Variants in ZBP1 observed in about 807,000 individuals in gnomAD.
The protein encoded by ZBP1 is Z-DNA binding protein 1.
In ZBP1, 42 loss-of-function variants were observed where a neutral mutation model predicts 41.1. The observed-to-expected ratio is 1.02, with a 90% CI of 0.80 to 1.32. ZBP1 has a LOEUF of 1.32. ZBP1 is among the 40% of genes most tolerant of loss of function. The pLI, the probability that ZBP1 is intolerant of heterozygous loss-of-function variation, is 0.00. For synonymous variants in ZBP1, 214 were observed against 205.2 expected, an observed-to-expected ratio of 1.04 and a Z score of -0.37; for missense variants, 562 against 549.7, an observed-to-expected ratio of 1.02 and a Z score of -0.22.
chr20:57,613,180 G>C lies in ZBP1; in HGVS notation c.653C>G (p.Thr218Arg). The change falls in exon 5 of 8, where the codon ACA (threonine) becomes AGA (arginine). Residue 218 changes from threonine to arginine, a missense_variant. Thr to Arg is a moderately conservative substitution (Grantham distance 71, BLOSUM62 -1). Transcript: ENST00000371173. This position sits in a 1 kb window ranked among gnomAD's most constrained non-coding sequence, Gnocchi z 4.5. Reference sequence around the variant, plus strand: ...TGACTTACCGTCCTCCCTGGAGACTGTCTGTCTTGTAATGATGTTCCCGTG... The same window carrying C: ...TGACTTACCGTCCTCCCTGGAGACTCTCTGTCTTGTAATGATGTTCCCGTG... ...IGHGNIITRQ[T>R]VSREDGSAGP... 1 of 1,614,002 alleles carries C rather than the reference G, an allele frequency of 6.2e-7. No individual in the cohort carries two copies. The highest frequency in any genetic ancestry group is 1.3e-5 in the African/African-American group (1 of 75,044).
intron 1 of ZBP1, among the ~76,000 whole-genome samples, chr20:57,619,184 C>T (rs781282109): frequency 2.0e-5 from 3 of 152,224 alleles, no homozygotes; most frequent in African/African-American, 4.8e-5. Flanking sequence ...ACAGGACCTC[C>T]GCGGTCAGCC....
rs41304401 is a variant in ZBP1, at chr20:57,613,163, C to T, written c.670G>A (p.Gly224Ser). The change falls in exon 5 of 8, where the codon GGT becomes AGT. Residue 224 changes from glycine (G) to serine (S), a missense_variant and splice_region_variant. By Grantham distance (56) the Gly-to-Ser change is moderately conservative (BLOSUM62 0). Coordinates refer to ENST00000371173, the MANE Select transcript of ZBP1 (RefSeq NM_030776.3). This position sits in a 1 kb window ranked among gnomAD's most constrained non-coding sequence, Gnocchi z 4.5. ...ITRQTVSREDGSAGPRHLPSM... is the reference protein window; with the variant it reads ...ITRQTVSREDSSAGPRHLPSM... ...CCCTGGGCTCTCTTGGGTGACTTAC[C>T]GTCCTCCCTGGAGACTGTCTGTCTT... 14,040 of 1,614,172 alleles carry T rather than the reference C, an allele frequency of 8.7e-3. 94 individuals are homozygous for T. Among genetic ancestry groups the T allele is most frequent in the Middle Eastern group, 0.037 (223 of 6,062 alleles).
chr20:57,616,796 G>A (rs1264320541), intron 1 of ZBP1: 4 of 366,980 alleles, frequency 1.1e-5, no homozygotes, highest in African/African-American at 8.3e-5. Flanking sequence ...GGGCAGAGGG[G>A]AGTAGAGGGC....
At chr20:57,607,912 G>A (rs1206867451) in intron 7 of ZBP1, among the ~76,000 whole-genome samples, 1 of 152,184 alleles carries the variant, frequency 6.6e-6, no homozygotes, top group Admixed American at 6.5e-5. Context: ...AATATAACTT[G>A]TATATGCACT....
At chr20:57,619,487 C>T (rs142592226) in intron 1 of ZBP1, among the ~76,000 whole-genome samples, 7 of 152,186 alleles carry the variant, frequency 4.6e-5, no homozygotes, top group Non-Finnish European at 1.0e-4. Context: ...AGCAATTACT[C>T]GATACACTAT....
In ZBP1 at chr20:57,615,510, AC is replaced by A. The variant is rs2070797209; in HGVS notation, c.328+1del. ...GAACTGAAGGGACATGCAAAAACTT[AC>A]CCCGTTGTTGGCTGAACTGAGGGCC... On this transcript the variant is annotated splice_donor_variant, in intron 3 of 7. Transcript: ENST00000371173. LOFTEE classifies it high-confidence loss of function. 1.2e-6 allele frequency: 2 copies of A among 1,612,374 alleles called. No individual in the cohort carries two copies. Among genetic ancestry groups the A allele is most frequent in the Non-Finnish European group, 1.7e-6 (2 of 1,179,498 alleles).
At chr20:57,607,601 G>T (rs759148248) in intron 7 of ZBP1, among the ~76,000 whole-genome samples, 30 of 152,202 alleles carry the variant, frequency 2.0e-4, no homozygotes, top group Non-Finnish European at 3.7e-4. Context: ...CCATCAAACA[G>T]CATTGCATGC....
At chr20:57,611,074 G>A (rs2070654299) in intron 6 of ZBP1, among the ~76,000 whole-genome samples, 1 of 152,144 alleles carries the variant, frequency 6.6e-6, no homozygotes, top group African/African-American at 2.4e-5. Context: ...TGCAGCCACA[G>A]CTCCTAGTAC....
At position 57,610,024 on chromosome 20, in the gene ZBP1, G is replaced by A. The variant is rs1035164351; in HGVS notation, c.1093+125C>T. ...GAGCTGCTGCTCCTCGCTGTGGGTG[G>A]GCACAGCCTCCAGACTCCGGGAAAC... On this transcript the variant is annotated intron_variant, in intron 7 of 7. Transcript: ENST00000371173. This position sits in a 1 kb window ranked among gnomAD's most constrained non-coding sequence, Gnocchi z 5.5. The A allele has an allele frequency of 3.3e-5, 36 of 1,099,590 alleles. No individual in the cohort carries two copies. The highest frequency in any genetic ancestry group is 9.4e-5 in the African/African-American group (6 of 63,690). 68.1% of individuals were successfully genotyped at this position (1,099,590 alleles called of 1,614,324 possible). A position where few individuals can be genotyped will look rare whatever the true frequency, so the allele number is the denominator to read the frequency against.
intron 1 of ZBP1, 126 bp downstream of exon 1, chr20:57,620,136 G>T: frequency 8.4e-7 from 1 of 1,183,520 alleles, no homozygotes; most frequent in Non-Finnish European, 1.2e-6. Context: ...ACGCCCAGCT[G>T]GTCTACTATT....
Position 57,604,340 on chromosome 20 carries a change from G to A in ZBP1, c.*233C>T. On this transcript the variant is annotated 3_prime_UTR_variant, in exon 8 of 8. Transcript: ENST00000371173. ...CACTCCCATCTACCCACCTCCTCTT[G>A]GCACACCAAAGGTTCCCCAAGGCAA... 3.0e-6 allele frequency: 2 copies of A among 661,640 alleles called. No individual in the cohort carries two copies. Among genetic ancestry groups the A allele is most frequent in the East Asian group, 3.0e-5 (1 of 33,028 alleles). 41.0% of individuals were successfully genotyped at this position (661,640 alleles called of 1,614,324 possible). A position where few individuals can be genotyped will look rare whatever the true frequency, so the allele number is the denominator to read the frequency against.
chr20:57,607,274 G>T (rs1199002285), intron 7 of ZBP1: 1 of 1,301,116 alleles, frequency 7.7e-7, no homozygotes, highest in African/African-American at 1.5e-5. Context: ...GACTTTGAGG[G>T]GTTCAAGACT....
rs1443381517 is a variant in ZBP1 at position 57,607,311 on chromosome 20, G to A, written c.1094-2542C>T. On this transcript the variant is annotated intron_variant, in intron 7 of 7. Coordinates refer to ENST00000371173, the MANE Select transcript of ZBP1 (RefSeq NM_030776.3). ...CAGTGAAGGCAGCAACTGCAAATGT[G>A]GTGGAAATAGCAGGAAAACACAAAT... is the stretch of plus-strand genomic sequence containing the variant. The A allele has an allele frequency of 2.3e-6, 3 of 1,288,788 alleles. No homozygotes were observed. In the African/African-American group the frequency reaches 4.6e-5, roughly 20 times the overall value. The allele number at this position is 1,288,788 out of a possible 1,614,324, so 79.8% of individuals were successfully genotyped here. A position where few individuals can be genotyped will look rare whatever the true frequency, so the allele number is the denominator to read the frequency against.
intron 1 of ZBP1, chr20:57,616,900 C>T (rs1489137084): frequency 9.3e-6 from 2 of 215,082 alleles, no homozygotes; most frequent in Non-Finnish European, 1.9e-5. Context: ...ATGCCCATCG[C>T]CATCCTCCCC....
intron 7 of ZBP1, among the ~76,000 whole-genome samples, chr20:57,607,897 G>A (rs562734208): frequency 2.0e-5 from 3 of 152,286 alleles, no homozygotes; most frequent in Admixed American, 6.5e-5. Context: ...CTAGAGCATC[G>A]TGTGAATATA....
intron 2 of ZBP1, 84 bp from the exon 3 acceptor site, chr20:57,615,664 G>A (rs2070804072): frequency 4.8e-6 from 6 of 1,242,464 alleles, no homozygotes; most frequent in Non-Finnish European, 5.7e-6. Context: ...CAGCTCCCTA[G>A]GGGTAAGTGG....
chr20:57,611,631 T>C (rs2070674326), intron 6 of ZBP1, 96 bp downstream of exon 6: 1 of 1,329,078 alleles, frequency 7.5e-7, no homozygotes, highest in Non-Finnish European at 1.0e-6. Flanking sequence ...GAATTTCCCA[T>C]CATGCTTCTC....
intron 7 of ZBP1, among the ~76,000 whole-genome samples, chr20:57,609,514 G>A (rs1017412518): frequency 1.3e-5 from 2 of 151,736 alleles, no homozygotes; most frequent in Non-Finnish European, 2.9e-5. Flanking sequence ...AGACAACAGC[G>A]GCTCTCTGTA....
rs368315434 is a variant in ZBP1 at position 57,613,366 on chromosome 20, T to C, written c.503-36A>G. On this transcript the variant is annotated intron_variant, in intron 4 of 7. Transcript: ENST00000371173. This position sits in a 1 kb window ranked among gnomAD's most constrained non-coding sequence, Gnocchi z 4.5. ...ATATTCAACTGTATCCCTTTGCCACTGTCTATGGGTCAGGGGTTCCCAATA... is the reference window on the plus strand; with the variant it reads ...ATATTCAACTGTATCCCTTTGCCACCGTCTATGGGTCAGGGGTTCCCAATA... 5.9e-5 allele frequency: 95 copies of C among 1,597,088 alleles called. No individual in the cohort carries two copies. The African/African-American group carries it at 1.2e-3, about 20-fold the overall frequency.
Sources: allele counts gnomAD v4.1 joint callset (sites outside exome capture counted in the v4.1 genomes callset), GRCh38; gene constraint gnomAD v4.1.1; non-coding constraint Gnocchi (gnomAD v3.1); transcripts MANE v1.5; gene names NCBI Gene and HGNC (gene_info 2026-07-23, HGNC 2026-07-21).